SYNE2: variants seen among roughly 807,000 people sequenced by gnomAD.
SYNE2 encodes spectrin repeat containing nuclear envelope protein 2.
SYNE2 carries 431 observed loss-of-function variants against 856.3 expected under a neutral mutation model. That is an observed-to-expected ratio of 0.50 (90% confidence interval 0.47 to 0.55). The LOEUF is 0.55. Among genes scored for constraint, SYNE2 ranks in the 20% least tolerant of loss-of-function variants. The probability of loss-of-function intolerance (pLI) is 0.00; values close to 1 mark genes in which losing one functional copy is unlikely to be tolerated. For missense variants in SYNE2, 8,129 were observed against 8,023.2 expected (o/e 1.01, Z -0.50); for synonymous variants, 2,923 against 2,872.3 (o/e 1.02, Z -0.56).
In SYNE2 at chr14:63,978,837, T is replaced by G. The variant is rs537583390; in HGVS notation, c.1407-15T>G. ...TAATATTAAGTTAAATTCCAAAACC[T>G]GCACTGTTTTCCAGAATCAACAACA... On this transcript the variant is annotated splice_polypyrimidine_tract_variant and intron_variant, in intron 13 of 115. Coordinates refer to ENST00000555002, the MANE Select transcript of SYNE2 (RefSeq NM_182914.3). 1.2e-6 allele frequency: 2 copies of G among 1,607,614 alleles called. No homozygotes were observed. The highest frequency in any genetic ancestry group is 1.7e-6 in the Non-Finnish European group (2 of 1,175,424).
intron 66 of SYNE2, among the ~76,000 whole-genome samples, chr14:64,117,965 T>A (rs576442743): frequency 2.0e-5 from 3 of 152,318 alleles, no homozygotes; most frequent in Admixed American, 1.3e-4. Context: ...TTTCTGGAAT[T>A]TTCCATTTAA....
At chr14:64,056,466 ATTTC>A (rs1433873629) in intron 49 of SYNE2, among the ~76,000 whole-genome samples, 200 bp downstream of exon 49, 2 of 151,118 alleles carry the variant, frequency 1.3e-5, no homozygotes, top group African/African-American at 4.9e-5. Context: ...TAAATATTGT[ATTTC>A]TTCTTTTTTT....
chr14:64,076,069 G>T lies in SYNE2; in HGVS notation c.10991G>T (p.Cys3664Phe), dbSNP rs1341222741. 2 of 1,613,850 alleles carry T rather than the reference G, an allele frequency of 1.2e-6. No individual in the cohort carries two copies. The highest frequency in any genetic ancestry group is 1.7e-6 in the Non-Finnish European group (2 of 1,179,824). The change falls in exon 54 of 116, where the codon TGC (cysteine) becomes TTC (phenylalanine). Residue 3664 changes from cysteine (C) to phenylalanine (F), a missense_variant. Physicochemically the swap from Cys to Phe is radical, Grantham distance 205. Transcript: ENST00000555002. ...PAEIESQVEE[C>F]RKALEDIDEK... ...GAGATTGAATCCCAGGTGGAAGAAT[G>T]CAGAAAAGCTTTAGAAGACATAGAT... is the stretch of plus-strand genomic sequence containing the variant.
intron 1 of SYNE2, among the ~76,000 whole-genome samples, chr14:63,839,366 C>T (rs546892199): frequency 1.3e-5 from 2 of 152,180 alleles, no homozygotes; most frequent in South Asian, 2.1e-4. Flanking sequence ...CGGGTAAAAA[C>T]GTTACCTCAC....
At chr14:64,185,584 G>C (rs1014018906) in intron 96 of SYNE2, among the ~76,000 whole-genome samples, 1 of 138,222 alleles carries the variant, frequency 7.2e-6, no homozygotes, top group African/African-American at 2.7e-5. Flanking sequence ...GCAGTGGTGC[G>C]ATCTTGTCTC....
rs113622798 is a variant in SYNE2, at chr14:64,215,989, C to G, written c.19403-259C>G. The G allele has an allele frequency of 9.2e-6, 13 of 1,414,260 alleles. No individual in the cohort carries two copies. The African/African-American group carries it at 1.7e-4, about 19-fold the overall frequency. 87.6% of individuals were successfully genotyped at this position (1,414,260 alleles called of 1,614,324 possible). Reference sequence around the variant, plus strand: ...CACTCAGTGTCCCTACCACTCGAGACCCTGGCTCCAAAACGCCACTCATCC... The same window carrying G: ...CACTCAGTGTCCCTACCACTCGAGAGCCTGGCTCCAAAACGCCACTCATCC... On this transcript the variant is annotated intron_variant, in intron 107 of 115. Coordinates refer to ENST00000555002, the MANE Select transcript of SYNE2 (RefSeq NM_182914.3).
intron 2 of SYNE2, among the ~76,000 whole-genome samples, chr14:63,912,692 A>G (rs1167577691): frequency 3.3e-5 from 5 of 152,350 alleles, no homozygotes; most frequent in Admixed American, 3.3e-4. Flanking sequence ...ACCCTGACTC[A>G]GAATAACACA....
At chr14:63,956,267 A>T (rs958492711) in intron 8 of SYNE2, among the ~76,000 whole-genome samples, 4 of 152,174 alleles carry the variant, frequency 2.6e-5, no homozygotes, top group African/African-American at 9.7e-5. Flanking sequence ...TGTTTCCATC[A>T]TACAGATACA....
intron 99 of SYNE2, chr14:64,190,877 C>T: frequency 1.4e-6 from 1 of 693,034 alleles, no homozygotes; most frequent in South Asian, 1.5e-5. Context: ...GATGATGATG[C>T]CCAAAATTTT....
chr14:63,954,329 C>T (rs1018653412), intron 7 of SYNE2, among the ~76,000 whole-genome samples: 4 of 152,156 alleles, frequency 2.6e-5, no homozygotes, highest in African/African-American at 9.7e-5. Flanking sequence ...CTTAAGCCAA[C>T]AGATTTGGTA....
At chr14:63,992,176 T>C (rs190548816) in intron 21 of SYNE2, among the ~76,000 whole-genome samples, 14 of 152,206 alleles carry the variant, frequency 9.2e-5, no homozygotes, top group Admixed American at 7.2e-4. Flanking sequence ...AATGAATGCT[T>C]GTTTTAAACG....
At chr14:64,055,142 A>G (rs2153579489) in intron 48 of SYNE2, among the ~76,000 whole-genome samples, 1 of 152,344 alleles carries the variant, frequency 6.6e-6, no homozygotes, top group Admixed American at 6.5e-5. Context: ...AACTAAAGTT[A>G]GTGCAGAGAA....
chr14:64,005,055 G>T (rs189268008), intron 30 of SYNE2, among the ~76,000 whole-genome samples: 12 of 152,270 alleles, frequency 7.9e-5, no homozygotes, highest in Admixed American at 7.2e-4. Flanking sequence ...TAGGTACAAG[G>T]GTCGGGTGTG....
intron 62 of SYNE2, 64 bp downstream of exon 62, chr14:64,098,210 T>C: frequency 6.4e-7 from 1 of 1,563,228 alleles, no homozygotes; most frequent in Non-Finnish European, 8.8e-7. Flanking sequence ...GGTAGTGTTT[T>C]CCACCTGAAC....
At chr14:63,942,785 A>G (rs893010532) in intron 6 of SYNE2, among the ~76,000 whole-genome samples, 3 of 151,916 alleles carry the variant, frequency 2.0e-5, no homozygotes, top group Non-Finnish European at 4.4e-5. Context: ...GTGAGCCACC[A>G]TGCCCGGCCT....
chr14:63,846,042 C>CT (rs1890218262), intron 1 of SYNE2, among the ~76,000 whole-genome samples: 2 of 127,426 alleles, frequency 1.6e-5, no homozygotes, highest in African/African-American at 5.3e-5. Context: ...CCGTACCTGC[C>CT]CTTTTTTTTT....
At chr14:64,004,818 C>T (rs960100977) in intron 30 of SYNE2, among the ~76,000 whole-genome samples, 2 of 152,138 alleles carry the variant, frequency 1.3e-5, no homozygotes, top group Non-Finnish European at 2.9e-5. Flanking sequence ...TATCCCACCA[C>T]GGCATGCGAT....
chr14:64,022,694 T>C, intron 37 of SYNE2, 57 bp from the exon 38 acceptor site: 2 of 897,008 alleles, frequency 2.2e-6, no homozygotes, highest in South Asian at 2.8e-5. Flanking sequence ...TCTCTCACTT[T>C]AACAAGATGT....
chr14:63,775,131 C>T (rs1471480324), intron 1 of SYNE2, among the ~76,000 whole-genome samples: 1 of 151,972 alleles, frequency 6.6e-6, no homozygotes, highest in Non-Finnish European at 1.5e-5. Context: ...TGCCCACCAC[C>T]ATGCCCAGCT....
Sources: allele counts gnomAD v4.1 joint callset (sites outside exome capture counted in the v4.1 genomes callset), GRCh38; gene constraint gnomAD v4.1.1; transcripts MANE v1.5; gene names NCBI Gene and HGNC (gene_info 2026-07-23, HGNC 2026-07-21).